The following DYNC1LI2 variants were observed in gnomAD, a reference collection of about 807,000 sequenced individuals.
The protein encoded by DYNC1LI2 is dynein cytoplasmic 1 light intermediate chain 2.
Under a neutral mutation model 57.8 loss-of-function variants are expected in DYNC1LI2, and 19 were observed. That is an observed-to-expected ratio of 0.33 (90% CI 0.23 to 0.48). The LOEUF (loss-of-function observed/expected upper bound fraction) is 0.48, where lower values mean the gene tolerates loss of function less well. DYNC1LI2 is among the 20% of genes least tolerant of loss of function. The pLI, the probability that DYNC1LI2 is intolerant of heterozygous loss-of-function variation, is 0.99. For synonymous variants in DYNC1LI2, 256 were observed against 233.4 expected, an observed-to-expected ratio of 1.10 and a Z score of -0.88; for missense variants, 470 against 604.2, an observed-to-expected ratio of 0.78 and a Z score of 2.33.
At chr16:66,748,196 C>T (rs562464843) in intron 3 of DYNC1LI2, among the ~76,000 whole-genome samples, 3 of 146,656 alleles carry the variant, frequency 2.0e-5, no homozygotes, top group Admixed American at 7.1e-5. Context: ...AAGGATGACC[C>T]GAGGCTGGGA....
chr16:66,731,164 G>A (rs2122491), intron 7 of DYNC1LI2: 45,795 of 152,122 alleles, frequency 0.3, 8,150 homozygotes, highest in East Asian at 0.6. Context: ...TGCAGCCTTC[G>A]GAAGCTGAGA....
chr16:66,726,434 T>C (rs2017537085), intron 11 of DYNC1LI2, among the ~76,000 whole-genome samples: 1 of 152,202 alleles, frequency 6.6e-6, no homozygotes, highest in African/African-American at 2.4e-5. Context: ...ATCCCCACAA[T>C]TCATAGACAG....
At chr16:66,732,270 G>T in intron 7 of DYNC1LI2, 69 bp downstream of exon 7, 1 of 1,566,422 alleles carries the variant, frequency 6.4e-7, no homozygotes, top group South Asian at 1.2e-5. Flanking sequence ...TTCCTTGAAG[G>T]GGTAAAATGT....
chr16:66,727,256 A>C (rs2017552929), intron 11 of DYNC1LI2, among the ~76,000 whole-genome samples: 1 of 152,162 alleles, frequency 6.6e-6, no homozygotes, highest in Non-Finnish European at 1.5e-5. Flanking sequence ...GCATGGTGGC[A>C]CACGCCTATA....
At chr16:66,726,236 A>C (rs1189379368) in intron 11 of DYNC1LI2, among the ~76,000 whole-genome samples, 3 of 152,242 alleles carry the variant, frequency 2.0e-5, no homozygotes, top group African/African-American at 4.8e-5. Flanking sequence ...ATGAGCACTT[A>C]ACATTCCAAA....
rs2018042240 is a variant in DYNC1LI2 at position 66,751,194 on chromosome 16, G to A, written c.181+79C>T. 1.4e-6 allele frequency: 2 copies of A among 1,480,824 alleles called. No individual in the cohort carries two copies. Among genetic ancestry groups the A allele is most frequent in the South Asian group, 1.2e-5 (1 of 81,190 alleles). 91.7% of individuals were successfully genotyped at this position (1,480,824 alleles called of 1,614,324 possible). A position where few individuals can be genotyped will look rare whatever the true frequency, so the allele number is the denominator to read the frequency against. Reference sequence around the variant, plus strand: ...GCTGCGGGCAGGCGGCTGGAACGGGGAAGGCGGGGACCTGAGGGAGGGGCG... The same window carrying A: ...GCTGCGGGCAGGCGGCTGGAACGGGAAAGGCGGGGACCTGAGGGAGGGGCG... On this transcript the variant is annotated intron_variant, in intron 2 of 12. Coordinates refer to ENST00000258198, the MANE Select transcript of DYNC1LI2 (RefSeq NM_006141.3). This position sits in a 1 kb window ranked among gnomAD's most constrained non-coding sequence, Gnocchi z 5.2.
At chr16:66,735,785 C>T (rs181373317) in intron 5 of DYNC1LI2, among the ~76,000 whole-genome samples, 6 of 152,164 alleles carry the variant, frequency 3.9e-5, no homozygotes, top group Middle Eastern at 3.4e-3. Flanking sequence ...AGATTACAGG[C>T]GTGAGCCACC....
chr16:66,743,912 A>T (rs1199098643), intron 3 of DYNC1LI2, among the ~76,000 whole-genome samples: 1 of 152,240 alleles, frequency 6.6e-6, no homozygotes, highest in African/African-American at 2.4e-5. Flanking sequence ...TAATATGGTT[A>T]TGTTTTTAAA....
chr16:66,721,713 A>G lies in DYNC1LI2; in HGVS notation c.*2009T>C, dbSNP rs190152127. On this transcript the variant is annotated 3_prime_UTR_variant, in exon 13 of 13. Coordinates refer to ENST00000258198, the MANE Select transcript of DYNC1LI2 (RefSeq NM_006141.3). ...ACAAGACATGTCTTAGCATTTCATCAGTTTTAGTATATTTTATATTGACAC... is the reference window on the plus strand; with the variant it reads ...ACAAGACATGTCTTAGCATTTCATCGGTTTTAGTATATTTTATATTGACAC... 6.5e-6 allele frequency: 1 copy of G among 152,768 alleles called. No individual in the cohort carries two copies. The highest frequency in any genetic ancestry group is 1.9e-4 in the East Asian group (1 of 5,194). The allele number at this position is 152,768 out of a possible 1,614,324, so 9.5% of individuals were successfully genotyped here.
At chr16:66,735,128 T>C (rs983937052) in intron 5 of DYNC1LI2, among the ~76,000 whole-genome samples, 3 of 143,128 alleles carry the variant, frequency 2.1e-5, no homozygotes, top group African/African-American at 5.2e-5. Flanking sequence ...TTTTGAGACA[T>C]AGTCTCACTG....
intron 3 of DYNC1LI2, among the ~76,000 whole-genome samples, chr16:66,746,221 C>A (rs1470697789): frequency 6.6e-6 from 1 of 152,168 alleles, no homozygotes; most frequent in East Asian, 1.9e-4. Context: ...TCTCTCCCCA[C>A]TGCCCACTAC....
chr16:66,744,944 CCT>C (rs774778259), intron 3 of DYNC1LI2, among the ~76,000 whole-genome samples: 9 of 151,918 alleles, frequency 5.9e-5, no homozygotes, highest in Non-Finnish European at 1.2e-4. Context: ...ATGGAGTCTC[CCT>C]CTGTCACCCA....
In DYNC1LI2 at chr16:66,742,649, C is replaced by T. The variant is rs769289864; in HGVS notation, c.318G>A (p.Val106=). 52 of 1,614,074 alleles carry T rather than the reference C, an allele frequency of 3.2e-5. No individual in the cohort carries two copies. Among genetic ancestry groups the T allele is most frequent in the Non-Finnish European group, 4.2e-5 (49 of 1,180,040 alleles). ...GGTACAAGTCTCCATCCAGAATCCA[C>T]ACGTTGCAGCGCGTGTGATCTGAGA... ...EDRDDHTRCN[V]WILDGDLYHK... is the part of the protein sequence containing the mutation. The change falls in exon 4 of 13, where the codon GTG becomes GTA. Residue 106 remains valine, a synonymous_variant. Transcript: ENST00000258198.
chr16:66,725,724 G>T, intron 12 of DYNC1LI2, 104 bp downstream of exon 12: 1 of 1,111,272 alleles, frequency 9.0e-7, no homozygotes, highest in Non-Finnish European at 1.3e-6. Flanking sequence ...TTCCTTGCTT[G>T]GCTATTCAGG....
At chr16:66,725,182 A>AAAAAAAAAAAAAGTCAGCC (rs2017516145) in intron 12 of DYNC1LI2, among the ~76,000 whole-genome samples, 1 of 147,338 alleles carries the variant, frequency 6.8e-6, no homozygotes, top group Non-Finnish European at 1.5e-5. Flanking sequence ...CTCTATCAAA[A>AAAAAAAAAAAAAGTCAGCC]AAAAAAAAAA....
chr16:66,728,806 G>A (rs1232882903), intron 9 of DYNC1LI2, among the ~76,000 whole-genome samples: 1 of 152,208 alleles, frequency 6.6e-6, no homozygotes, highest in African/African-American at 2.4e-5. Flanking sequence ...TAAAAGATGC[G>A]AATCCTACTA....
Position 66,749,307 on chromosome 16 carries a change from T to C in DYNC1LI2, c.188A>G (p.Asp63Gly), listed in dbSNP as rs766782099. Residue 63 changes from aspartate (D) to glycine (G), a missense_variant, in exon 3 of 13, where the codon GAT becomes GGT. Transcript: ENST00000258198. ...CATGAGGGTTGTTTTACCAGAACCA[T>C]CTTCACCTACAAAGGATGTTTGCAA... The part of the protein sequence containing the change: ...SGKNILVFGE[D>G]GSGKTTLMTK... 2 of 1,614,076 alleles carry C rather than the reference T, an allele frequency of 1.2e-6. No homozygotes were observed. The highest frequency in any genetic ancestry group is 1.3e-5 in the African/African-American group (1 of 74,936).
intron 2 of DYNC1LI2, among the ~76,000 whole-genome samples, chr16:66,749,910 T>C (rs1240916731): frequency 6.6e-6 from 1 of 152,164 alleles, no homozygotes; most frequent in African/African-American, 2.4e-5. Flanking sequence ...TTCATCTCCC[T>C]CCACCCAAAC....
chr16:66,740,183 A>G (rs576437490), intron 4 of DYNC1LI2, among the ~76,000 whole-genome samples: 1 of 152,330 alleles, frequency 6.6e-6, no homozygotes, highest in South Asian at 2.1e-4. Context: ...TGATCCCTGC[A>G]GCCAAACAGC....
Sources: gnomAD v4.1 joint callset for allele counts (sites outside exome capture counted in the v4.1 genomes callset) on GRCh38, gnomAD v4.1.1 for gene constraint, Gnocchi (gnomAD v3.1) non-coding constraint, MANE v1.5 for transcripts, NCBI Gene and HGNC (gene_info 2026-07-23, HGNC 2026-07-21) for gene names.